SLF2: variants seen among roughly 807,000 people sequenced by gnomAD.
SLF2 encodes SMC5/6 complex localization factor 2, also known as SMC5-SMC6 complex localization factor protein 2.
A neutral mutation model predicts 124.3 loss-of-function variants in SLF2; 68 were observed. The ratio of observed to expected loss-of-function variants is 0.55; its 90% confidence interval spans 0.45 to 0.67. The LOEUF (loss-of-function observed/expected upper bound fraction) is 0.67, where lower values mean the gene tolerates loss of function less well. Among genes scored for constraint, SLF2 ranks in the 30% least tolerant of loss-of-function variants. The probability of loss-of-function intolerance (pLI) is 0.00; values close to 1 mark genes in which losing one functional copy is unlikely to be tolerated. For missense variants in SLF2, 1,246 were observed against 1,373.7 expected (o/e 0.91, Z 1.47); for synonymous variants, 480 against 478.8 (o/e 1.00, Z -0.03).
chr10:100,923,051 C>T (rs766993404), intron 4 of SLF2, among the ~76,000 whole-genome samples: 4 of 152,066 alleles, frequency 2.6e-5, no homozygotes, highest in Non-Finnish European at 4.4e-5. Context: ...GCTGGGATTA[C>T]AGGTGTGACC....
chr10:100,940,605 G>A (rs1238145190), intron 11 of SLF2, among the ~76,000 whole-genome samples: 4 of 150,624 alleles, frequency 2.7e-5, no homozygotes, highest in Non-Finnish European at 5.9e-5. Context: ...CAGGCGATCC[G>A]CCGGCCTCAG....
At chr10:100,961,736 A>C in intron 19 of SLF2, 141 bp from the exon 20 acceptor site, 2 of 643,266 alleles carry the variant, frequency 3.1e-6, no homozygotes, top group South Asian at 2.7e-5. Context: ...GATTACCATA[A>C]ATTTTCAGAG....
intron 17 of SLF2, among the ~76,000 whole-genome samples, chr10:100,953,784 C>G (rs1014945620): frequency 6.6e-6 from 1 of 152,060 alleles, no homozygotes; most frequent in African/African-American, 2.4e-5. Context: ...TCCCGAGTAG[C>G]TGGGACTAGA....
intron 17 of SLF2, among the ~76,000 whole-genome samples, chr10:100,952,534 G>A (rs1452299631): frequency 6.9e-6 from 1 of 144,208 alleles, no homozygotes. Flanking sequence ...GCAACAGAGG[G>A]AGACTCCACC....
chr10:100,928,802 C>T (rs537261601), intron 6 of SLF2, among the ~76,000 whole-genome samples: 1 of 152,248 alleles, frequency 6.6e-6, no homozygotes, highest in South Asian at 2.1e-4. Context: ...ATATAAAGCC[C>T]TTAGTGCAGT....
intron 17 of SLF2, among the ~76,000 whole-genome samples, chr10:100,952,736 C>T (rs1425692195): frequency 4.0e-5 from 6 of 151,562 alleles, no homozygotes; most frequent in South Asian, 2.1e-4. Flanking sequence ...ATCAGGAGTT[C>T]GAGACCAGCC....
At position 100,929,182 on chromosome 10, in the gene SLF2, C is replaced by T. The variant is rs573381488; in HGVS notation, c.2043-135C>T. On this transcript the variant is annotated intron_variant, in intron 6 of 19. Transcript: ENST00000238961. ...ATGTATTTGGGAGACATAATTTGACCGATAGTATAACAAAATTTGTTATAT... is the reference window on the plus strand; with the variant it reads ...ATGTATTTGGGAGACATAATTTGACTGATAGTATAACAAAATTTGTTATAT... 15 of 679,322 alleles carry T rather than the reference C, an allele frequency of 2.2e-5. No individual in the cohort carries two copies. In the Admixed American group the frequency reaches 2.6e-4, roughly 12 times the overall value. 42.1% of individuals were successfully genotyped at this position (679,322 alleles called of 1,614,324 possible). A position where few individuals can be genotyped will look rare whatever the true frequency, so the allele number is the denominator to read the frequency against.
At chr10:100,952,199 G>A (rs1004391917) in intron 17 of SLF2, among the ~76,000 whole-genome samples, 3 of 149,820 alleles carry the variant, frequency 2.0e-5, no homozygotes, top group African/African-American at 4.9e-5. Flanking sequence ...AGGCAAGATC[G>A]TGCCATTGCA....
chr10:100,958,719 G>A (rs1332917343), intron 18 of SLF2, among the ~76,000 whole-genome samples: 1 of 152,190 alleles, frequency 6.6e-6, no homozygotes, highest in African/African-American at 2.4e-5. Context: ...AGCATAGATT[G>A]TAGTTTACTT....
intron 18 of SLF2, among the ~76,000 whole-genome samples, chr10:100,958,168 T>A (rs984308618): frequency 6.6e-6 from 1 of 152,232 alleles, no homozygotes; most frequent in Non-Finnish European, 1.5e-5. Flanking sequence ...TCTTTTTGCC[T>A]CTTGTCTTTG....
In SLF2 at chr10:100,940,188, C is replaced by G. The variant is rs187505015; in HGVS notation, c.2654+1452C>G. ...TATACAACAATTTGAATTTTTCTTA[C>G]TTTAGTGAGCATGTACAGTAGTGGA... On this transcript the variant is annotated intron_variant, in intron 11 of 19. Coordinates refer to ENST00000238961, the MANE Select transcript of SLF2 (RefSeq NM_018121.4). Among the ~76,000 whole-genome samples, 53 of 152,102 alleles carry G rather than the reference C, an allele frequency of 3.5e-4. 1 individual carries two copies. The highest frequency in any genetic ancestry group is 6.8e-3 in the Middle Eastern group (2 of 294).
At chr10:100,923,031 C>G (rs1321452301) in intron 4 of SLF2, among the ~76,000 whole-genome samples, 1 of 152,140 alleles carries the variant, frequency 6.6e-6, no homozygotes, top group East Asian at 1.9e-4. Flanking sequence ...CCACTCCGGC[C>G]TCCCAAAATG....
chr10:100,942,789 G>A (rs1211341725), intron 11 of SLF2, among the ~76,000 whole-genome samples: 2 of 152,184 alleles, frequency 1.3e-5, no homozygotes, highest in Non-Finnish European at 2.9e-5. Flanking sequence ...AAAGTGCTGG[G>A]ATTACAAGCG....
At position 100,956,490 on chromosome 10, in the gene SLF2, G is replaced by A. The variant is rs909434650; in HGVS notation, c.3370G>A (p.Val1124Ile). The change falls in exon 18 of 20, where the codon GTT becomes ATT. Residue 1124 changes from valine (V) to isoleucine (I), a missense_variant. By Grantham distance (29) the Val-to-Ile change is conservative. Coordinates refer to ENST00000238961, the MANE Select transcript of SLF2 (RefSeq NM_018121.4). Reference protein sequence around the residue: ...VLLCGALEKHVKCDIREDARL... With the variant: ...VLLCGALEKHIKCDIREDARL... ...ACTCTGTGGGGCTTTGGAAAAGCAT[G>A]TTAAATGTGATATTAGGGAAGATGC... 3.1e-6 allele frequency: 5 copies of A among 1,612,952 alleles called. No individual in the cohort carries two copies. The highest frequency in any genetic ancestry group is 3.4e-6 in the Non-Finnish European group (4 of 1,179,706).
At chr10:100,956,562 T>TG in intron 18 of SLF2, 25 bp downstream of exon 18, 1 of 1,025,442 alleles carries the variant, frequency 9.8e-7, no homozygotes, top group Non-Finnish European at 1.4e-6. Flanking sequence ...TCTTTTTTTC[T>TG]TTTTTTTTTT....
chr10:100,924,062 C>T lies in SLF2; in HGVS notation c.1061C>T (p.Pro354Leu). The change falls in exon 5 of 20, where the codon CCA becomes CTA. Residue 354 changes from proline to leucine, a missense_variant. Pro to Leu is a moderately conservative substitution (Grantham distance 98). Transcript: ENST00000238961. Reference sequence around the variant, plus strand: ...AAAAGCACAAGAGAATCTATGATACCAAAAGCAAGAGAGTCCTTCCTTGAG... The same window carrying T: ...AAAAGCACAAGAGAATCTATGATACTAAAAGCAAGAGAGTCCTTCCTTGAG... ...DLKSTRESMIPKARESFLEKR... is the reference protein window; with the variant it reads ...DLKSTRESMILKARESFLEKR... 1 of 1,609,502 alleles carries T rather than the reference C, an allele frequency of 6.2e-7. No individual in the cohort carries two copies. The highest frequency in any genetic ancestry group is 8.5e-7 in the Non-Finnish European group (1 of 1,178,850).
chr10:100,950,617 T>G, intron 16 of SLF2, 59 bp from the exon 17 acceptor site: 1 of 1,425,128 alleles, frequency 7.0e-7, no homozygotes, highest in Non-Finnish European at 9.9e-7. Context: ...ATGTGTAAAT[T>G]GGAATGACAT....
chr10:100,924,666 T>TC lies in SLF2; in HGVS notation c.1670dup (p.Ala558CysfsTer18). The stretch of plus-strand genomic sequence containing the variant: ...CAGAATATGGCACTCCTACAAAGTC[T>TC]CCCCCTGCTGCTTTGGAAGTTGTGC... On this transcript the variant is annotated frameshift_variant, in exon 5 of 20. Coordinates refer to ENST00000238961, the MANE Select transcript of SLF2 (RefSeq NM_018121.4). LOFTEE classifies it high-confidence loss of function. 6.2e-7 allele frequency: 1 copy of TC among 1,614,014 alleles called. No homozygotes were observed. The highest frequency in any genetic ancestry group is 8.5e-7 in the Non-Finnish European group (1 of 1,180,020).
At chr10:100,960,065 G>A (rs1850401122) in intron 19 of SLF2, among the ~76,000 whole-genome samples, 1 of 152,082 alleles carries the variant, frequency 6.6e-6, no homozygotes, top group Non-Finnish European at 1.5e-5. Flanking sequence ...TTTTGTAATT[G>A]GCTGTTTTCA....
Sources: allele counts gnomAD v4.1 joint callset (sites outside exome capture counted in the v4.1 genomes callset), GRCh38; gene constraint gnomAD v4.1.1; transcripts MANE v1.5; gene names NCBI Gene and HGNC (gene_info 2026-07-23, HGNC 2026-07-21).